The following ATP8B4 variants were observed in gnomAD, a reference collection of about 807,000 sequenced individuals.
ATP8B4 encodes probable phospholipid-transporting ATPase IM.
Under a neutral mutation model 145.6 loss-of-function variants are expected in ATP8B4, and 133 were observed. The ratio of observed to expected loss-of-function variants is 0.91; its 90% CI spans 0.79 to 1.05. The LOEUF is 1.05. Among genes scored for constraint, ATP8B4 ranks in the 50% least tolerant of loss-of-function variants. The pLI is 0.00. For missense variants in ATP8B4, 1,458 were observed against 1,425.2 expected (o/e 1.02, Z -0.37); for synonymous variants, 507 against 492.9 (o/e 1.03, Z -0.38).
At chr15:49,927,300 C>T (rs941445003) in intron 16 of ATP8B4, among the ~76,000 whole-genome samples, 1 of 151,814 alleles carries the variant, frequency 6.6e-6, no homozygotes, top group African/African-American at 2.4e-5. Context: ...TGGCTGCCAC[C>T]CAAAAACAAG....
intron 1 of ATP8B4, among the ~76,000 whole-genome samples, chr15:50,155,767 G>A (rs1448844104): frequency 3.3e-5 from 5 of 151,848 alleles, no homozygotes; most frequent in Non-Finnish European, 7.4e-5. Flanking sequence ...TAGAACTTTA[G>A]TCATGAGATA....
intron 20 of ATP8B4, among the ~76,000 whole-genome samples, chr15:49,905,600 G>C (rs2038523151): frequency 6.6e-6 from 1 of 151,986 alleles, no homozygotes. Flanking sequence ...TCTAAGAATG[G>C]GGTTACCTAC....
intron 25 of ATP8B4, among the ~76,000 whole-genome samples, chr15:49,869,315 A>G (rs1033134332): frequency 6.6e-6 from 1 of 151,872 alleles, no homozygotes; most frequent in Non-Finnish European, 1.5e-5. Flanking sequence ...TAATATTAAT[A>G]TAGCATGATA....
intron 2 of ATP8B4, among the ~76,000 whole-genome samples, chr15:50,077,773 A>G (rs2054278203): frequency 6.6e-6 from 1 of 152,126 alleles, no homozygotes; most frequent in African/African-American, 2.4e-5. Context: ...AGGGAAGGAA[A>G]CCAAGGGTGG....
chr15:50,048,261 A>T (rs1316142286), intron 3 of ATP8B4, among the ~76,000 whole-genome samples: 1 of 151,788 alleles, frequency 6.6e-6, no homozygotes, highest in African/African-American at 2.4e-5. Flanking sequence ...GCCATTTCTA[A>T]TGCTTGTCGG....
At chr15:50,074,899 C>T (rs938496046) in intron 2 of ATP8B4, among the ~76,000 whole-genome samples, 2 of 152,178 alleles carry the variant, frequency 1.3e-5, no homozygotes, top group African/African-American at 4.8e-5. Context: ...GTAGCAAGCT[C>T]TTGCTCCATG....
At chr15:50,019,958 G>A (rs888133114) in intron 6 of ATP8B4, among the ~76,000 whole-genome samples, 4 of 137,240 alleles carry the variant, frequency 2.9e-5, no homozygotes, top group African/African-American at 1.1e-4. Context: ...CATCCAAGGT[G>A]GCCAAATGAC....
At chr15:50,021,023 G>A (rs926456103) in intron 6 of ATP8B4, among the ~76,000 whole-genome samples, 2 of 152,086 alleles carry the variant, frequency 1.3e-5, no homozygotes, top group African/African-American at 4.8e-5. Flanking sequence ...AGAATAGCAA[G>A]TTGCTGCAGC....
chr15:49,927,345 C>A (rs756028354), intron 16 of ATP8B4, among the ~76,000 whole-genome samples: 16 of 151,980 alleles, frequency 1.1e-4, no homozygotes, highest in Non-Finnish European at 1.8e-4. Flanking sequence ...AGGGGAGGAT[C>A]AGCAGCAACA....
chr15:49,884,980 C>A (rs1160533726), intron 23 of ATP8B4, among the ~76,000 whole-genome samples: 2 of 152,150 alleles, frequency 1.3e-5, no homozygotes, highest in Non-Finnish European at 2.9e-5. Flanking sequence ...TCCCTGGTAC[C>A]AAAAAGATTG....
At chr15:50,179,333 C>T (rs1440510533) in intron 1 of ATP8B4, among the ~76,000 whole-genome samples, 2 of 152,090 alleles carry the variant, frequency 1.3e-5, no homozygotes, top group African/African-American at 4.8e-5. Context: ...GGGCAGCCAA[C>T]GTGCTAAGCT....
intron 16 of ATP8B4, among the ~76,000 whole-genome samples, chr15:49,928,755 C>A (rs1251598557): frequency 6.6e-6 from 1 of 151,972 alleles, no homozygotes; most frequent in African/African-American, 2.4e-5. Context: ...TTTATGAGGC[C>A]ATTTTAATAA....
intron 25 of ATP8B4, among the ~76,000 whole-genome samples, chr15:49,872,228 G>T (rs1347655516): frequency 6.6e-6 from 1 of 152,176 alleles, no homozygotes; most frequent in African/African-American, 2.4e-5. Flanking sequence ...TTGGATCTTA[G>T]TGCTAAACCT....
chr15:49,861,422 G>GTGTCTGTC (rs959890334), intron 27 of ATP8B4, among the ~76,000 whole-genome samples: 253 of 148,356 alleles, frequency 1.7e-3, no homozygotes, highest in African/African-American at 6.0e-3. Flanking sequence ...GTGTGTGTGT[G>GTGTCTGTC]TGTCTGTCTG....
intron 13 of ATP8B4, among the ~76,000 whole-genome samples, chr15:49,965,956 C>T (rs1237134859): frequency 6.6e-6 from 1 of 152,172 alleles, no homozygotes; most frequent in African/African-American, 2.4e-5. Flanking sequence ...ACAGTGGGTG[C>T]AGCCCATGAA....
rs146793155 is a variant in ATP8B4, at chr15:49,991,661, TA to T, written c.590-4113del. ...CATTTTTTCTGATGTTTGAAATGTA[TA>T]AAAATATTTTCATGAGAACTTTTCA... On this transcript the variant is annotated intron_variant, in intron 9 of 27. Coordinates refer to ENST00000284509, the MANE Select transcript of ATP8B4 (RefSeq NM_024837.4). Among the ~76,000 whole-genome samples the T allele has an allele frequency of 1.6e-4, 25 of 152,260 alleles. No homozygotes were observed. In the East Asian group the frequency reaches 4.8e-3, roughly 29 times the overall value.
At chr15:49,983,941 T>G (rs1050565175) in intron 10 of ATP8B4, among the ~76,000 whole-genome samples, 2 of 152,246 alleles carry the variant, frequency 1.3e-5, no homozygotes, top group Non-Finnish European at 2.9e-5. Context: ...CCTACCATAC[T>G]GAAAATCATA....
chr15:49,905,296 T>C (rs2038484288), intron 20 of ATP8B4, among the ~76,000 whole-genome samples: 1 of 152,232 alleles, frequency 6.6e-6, no homozygotes, highest in African/African-American at 2.4e-5. Context: ...ATAGCTACTA[T>C]TGTTCAGATC....
chr15:49,972,963 T>C (rs1425093905), intron 12 of ATP8B4, among the ~76,000 whole-genome samples, 173 bp from the exon 13 acceptor site: 1 of 152,308 alleles, frequency 6.6e-6, no homozygotes, highest in Admixed American at 6.5e-5. Context: ...AGTCTGTTTA[T>C]AAACATTTCC....
Sources: allele counts gnomAD v4.1 joint callset (sites outside exome capture counted in the v4.1 genomes callset), GRCh38; gene constraint gnomAD v4.1.1; transcripts MANE v1.5; gene names NCBI Gene and HGNC (gene_info 2026-07-23, HGNC 2026-07-21).